Variants in PPFIA1 observed in about 807,000 individuals in gnomAD.
PPFIA1 encodes liprin-alpha-1.
In PPFIA1, 25 loss-of-function variants were observed where a neutral mutation model predicts 149.9. The ratio of observed to expected loss-of-function variants is 0.17; its 90% CI spans 0.12 to 0.23. The LOEUF (loss-of-function observed/expected upper bound fraction) is 0.23. Ranked by LOEUF, PPFIA1 falls within the 10% of genes least tolerant of loss-of-function variation. The probability of loss-of-function intolerance (pLI) is 1.00; values close to 1 mark genes in which losing one functional copy is unlikely to be tolerated. For missense variants in PPFIA1, 1,362 were observed against 1,506.5 expected, an observed-to-expected ratio of 0.90 and a Z score of 1.59; for synonymous variants, 549 against 552.8, an observed-to-expected ratio of 0.99 and a Z score of 0.10.
intron 14 of PPFIA1, among the ~76,000 whole-genome samples, chr11:70,343,352 T>G (rs2055472630): frequency 6.6e-6 from 1 of 152,178 alleles, no homozygotes; most frequent in Non-Finnish European, 1.5e-5. Flanking sequence ...CCTCTCTTCA[T>G]CCTCCCCCTG....
intron 2 of PPFIA1, chr11:70,283,894 C>A: frequency 2.1e-6 from 1 of 471,930 alleles, no homozygotes; most frequent in South Asian, 1.5e-5. Context: ...GCCCCCTCAA[C>A]AAAGAATTAT....
intron 14 of PPFIA1, among the ~76,000 whole-genome samples, chr11:70,342,323 C>T (rs2055383574): frequency 6.6e-6 from 1 of 152,076 alleles, no homozygotes; most frequent in South Asian, 2.1e-4. Context: ...GGTTTTGTCT[C>T]CATGAAATGG....
chr11:70,304,192 T>C (rs2136398983), intron 2 of PPFIA1, among the ~76,000 whole-genome samples: 1 of 152,286 alleles, frequency 6.6e-6, no homozygotes, highest in Middle Eastern at 3.4e-3. Flanking sequence ...GATAGGATTC[T>C]GGGGGCTCTG....
At chr11:70,381,353 G>A (rs1415496139) in intron 26 of PPFIA1, 1 of 152,194 alleles carries the variant, frequency 6.6e-6, no homozygotes. Context: ...AATCCCAGTT[G>A]TTAATGGAAA....
At chr11:70,380,782 AAAG>A (rs2057683886) in intron 26 of PPFIA1, among the ~76,000 whole-genome samples, 1 of 152,050 alleles carries the variant, frequency 6.6e-6, no homozygotes, top group Admixed American at 6.6e-5. Context: ...AATTTATTAT[AAAG>A]AAGACTTTTT....
chr11:70,318,764 C>G (rs1328177987), intron 2 of PPFIA1, among the ~76,000 whole-genome samples: 4 of 152,250 alleles, frequency 2.6e-5, no homozygotes, highest in Non-Finnish European at 5.9e-5. Flanking sequence ...TCAGTCAGCT[C>G]ATTTGATCCA....
chr11:70,361,373 T>A (rs539829730), intron 19 of PPFIA1, among the ~76,000 whole-genome samples: 1 of 152,326 alleles, frequency 6.6e-6, no homozygotes, highest in East Asian at 1.9e-4. Context: ...ATCTCTAGGT[T>A]CTTTACAATA....
intron 2 of PPFIA1, among the ~76,000 whole-genome samples, chr11:70,290,041 C>A (rs953830008): frequency 3.9e-5 from 6 of 152,094 alleles, no homozygotes; most frequent in African/African-American, 1.4e-4. Flanking sequence ...GCAGCCTGGG[C>A]AACATGGTGA....
intron 2 of PPFIA1, among the ~76,000 whole-genome samples, chr11:70,276,779 C>T (rs1321201165): frequency 6.6e-6 from 1 of 151,904 alleles, no homozygotes; most frequent in Non-Finnish European, 1.5e-5. Flanking sequence ...GTTCAGGCCA[C>T]CCAGACTTTC....
At chr11:70,354,091 G>A (rs76231747) in intron 16 of PPFIA1, 266 of 517,460 alleles carry the variant, frequency 5.1e-4, no homozygotes, top group African/African-American at 4.7e-3. Flanking sequence ...GGGCCCCAGC[G>A]CACGCTCGTG....
chr11:70,366,784 T>C (rs912573733), intron 21 of PPFIA1, among the ~76,000 whole-genome samples: 3 of 152,260 alleles, frequency 2.0e-5, no homozygotes, highest in Non-Finnish European at 4.4e-5. Context: ...TTGAAGCAGC[T>C]GTTTCCTTCT....
At chr11:70,334,800 C>T (rs1352429631) in intron 10 of PPFIA1, among the ~76,000 whole-genome samples, 1 of 152,198 alleles carries the variant, frequency 6.6e-6, no homozygotes, top group Non-Finnish European at 1.5e-5. Flanking sequence ...ACGTCGTAAC[C>T]CCGTGCCATT....
intron 8 of PPFIA1, among the ~76,000 whole-genome samples, chr11:70,331,182 C>G (rs1034530688): frequency 6.6e-6 from 1 of 151,488 alleles, no homozygotes; most frequent in Non-Finnish European, 1.5e-5. Context: ...TTGCAGTGAG[C>G]CGAGATTGTG....
At chr11:70,338,515 A>G (rs769613985) in intron 13 of PPFIA1, 62 bp downstream of exon 13, 28 of 1,386,546 alleles carry the variant, frequency 2.0e-5, no homozygotes, top group Middle Eastern at 1.8e-4. Context: ...GTTCTTGGCT[A>G]TGTGGGCAGC....
At chr11:70,313,755 A>C (rs1436306638) in intron 2 of PPFIA1, among the ~76,000 whole-genome samples, 5 of 152,166 alleles carry the variant, frequency 3.3e-5, no homozygotes, top group African/African-American at 1.2e-4. Context: ...TGAACCTCCA[A>C]GATATCTTGC....
intron 2 of PPFIA1, among the ~76,000 whole-genome samples, chr11:70,305,162 G>T (rs2052763570): frequency 6.6e-6 from 1 of 152,162 alleles, no homozygotes; most frequent in Non-Finnish European, 1.5e-5. Flanking sequence ...CCACCAAATG[G>T]TCGTGTCAAT....
chr11:70,294,958 C>G (rs1434471465), intron 2 of PPFIA1, among the ~76,000 whole-genome samples: 1 of 152,098 alleles, frequency 6.6e-6, no homozygotes, highest in Non-Finnish European at 1.5e-5. Context: ...CTACTTCTTT[C>G]CACACAGACA....
intron 8 of PPFIA1, among the ~76,000 whole-genome samples, chr11:70,331,496 C>T (rs1485613925): frequency 6.6e-6 from 1 of 151,996 alleles, no homozygotes; most frequent in Admixed American, 6.6e-5. Flanking sequence ...AAACCTTACC[C>T]AGGCCGGGCA....
chr11:70,273,480 C>T (rs756951398), intron 2 of PPFIA1, among the ~76,000 whole-genome samples: 3 of 152,126 alleles, frequency 2.0e-5, no homozygotes, highest in Non-Finnish European at 4.4e-5. Context: ...GTCTAGGCGC[C>T]ACGTTACTCA....
Sources: gnomAD v4.1 joint callset for allele counts (sites outside exome capture counted in the v4.1 genomes callset) on GRCh38, gnomAD v4.1.1 for gene constraint, MANE v1.5 for transcripts, NCBI Gene and HGNC (gene_info 2026-07-23, HGNC 2026-07-21) for gene names.